PLEKHA5: variants seen among roughly 807,000 people sequenced by gnomAD.
PLEKHA5 encodes pleckstrin homology domain-containing family A member 5.
PLEKHA5 carries 55 observed loss-of-function variants against 181.9 expected under a neutral mutation model. The ratio of observed to expected loss-of-function variants is 0.30; its 90% CI spans 0.24 to 0.38. The LOEUF is 0.38. Among genes scored for constraint, PLEKHA5 ranks in the 10% least tolerant of loss-of-function variants. The pLI, the probability that PLEKHA5 is intolerant of heterozygous loss-of-function variation, is 1.00. For missense variants in PLEKHA5, 1,432 were observed against 1,549.5 expected (o/e 0.92, Z 1.27); for synonymous variants, 535 against 529.4 (o/e 1.01, Z -0.15).
At chr12:19,256,221 GAC>G (rs1403389797) in intron 5 of PLEKHA5, among the ~76,000 whole-genome samples, 2 of 152,108 alleles carry the variant, frequency 1.3e-5, no homozygotes, top group Non-Finnish European at 2.9e-5. Context: ...ACCAGAAAAA[GAC>G]ACCATTTCCA....
intron 29 of PLEKHA5, among the ~76,000 whole-genome samples, chr12:19,362,307 GCA>G (rs2095275254): frequency 6.6e-6 from 1 of 152,076 alleles, no homozygotes; most frequent in Non-Finnish European, 1.5e-5. Context: ...GCCAACGGGG[GCA>G]GATCACTAGA....
intron 2 of PLEKHA5, among the ~76,000 whole-genome samples, chr12:19,132,057 T>C (rs754082022): frequency 6.6e-6 from 1 of 152,222 alleles, no homozygotes; most frequent in Admixed American, 6.5e-5. Context: ...CCCAGCTTTT[T>C]TTTTTGCTAG....
chr12:19,268,366 T>TA (rs1294929719), intron 8 of PLEKHA5, among the ~76,000 whole-genome samples: 1 of 152,192 alleles, frequency 6.6e-6, no homozygotes, highest in Non-Finnish European at 1.5e-5. Flanking sequence ...TTTAGACTCT[T>TA]AAAAAATACT....
Position 19,142,218 on chromosome 12 carries a change from A to G in PLEKHA5, c.227+9768A>G, listed in dbSNP as rs551496889. 2.6e-5 allele frequency among the ~76,000 whole-genome samples: 4 copies of G among 152,136 alleles called. No individual in the cohort carries two copies. The East Asian group carries it at 5.8e-4, about 22-fold the overall frequency. ...CTCTACAAAAAAAAATTGTTTTTTT[A>G]ATTAGCTGGTCATGGTGGTGTACCC... On this transcript the variant is annotated intron_variant, in intron 3 of 31. Transcript: ENST00000429027.
At chr12:19,331,826 C>T (rs1401008370) in intron 20 of PLEKHA5, among the ~76,000 whole-genome samples, 1 of 151,852 alleles carries the variant, frequency 6.6e-6, no homozygotes, top group African/African-American at 2.4e-5. Context: ...AGTTCAGGAC[C>T]AGCCTGGACA....
intron 11 of PLEKHA5, among the ~76,000 whole-genome samples, chr12:19,280,856 G>A (rs937525761): frequency 2.0e-5 from 3 of 151,664 alleles, no homozygotes; most frequent in East Asian, 1.9e-4. Flanking sequence ...AACTACAGGC[G>A]TGCGTCACCA....
intron 3 of PLEKHA5, among the ~76,000 whole-genome samples, chr12:19,137,658 A>G (rs1183277140): frequency 2.6e-5 from 4 of 152,316 alleles, no homozygotes; most frequent in Non-Finnish European, 4.4e-5. Flanking sequence ...AATCCTCACA[A>G]TAGCCTTTTT....
In PLEKHA5 at chr12:19,328,864, T is replaced by C. The variant is rs139114853; in HGVS notation, c.2448+6197T>C. ...TGATTGCTCTGACTAGGACTTCCAG[T>C]ACTATGTTGAATAGGAGTGGTGAGA... On this transcript the variant is annotated intron_variant, in intron 20 of 31. Transcript: ENST00000429027. Among the ~76,000 whole-genome samples the C allele has an allele frequency of 4.3e-4, 66 of 152,284 alleles. No homozygotes were observed. In the East Asian group the frequency reaches 0.012, roughly 28 times the overall value.
At chr12:19,284,770 T>C (rs190090448) in intron 12 of PLEKHA5, among the ~76,000 whole-genome samples, 1 of 152,050 alleles carries the variant, frequency 6.6e-6, no homozygotes, top group African/African-American at 2.4e-5. Flanking sequence ...TTTTTTTTCA[T>C]ACTGAAGAGT....
At chr12:19,306,446 A>T (rs1319870224) in intron 15 of PLEKHA5, 1 of 602,300 alleles carries the variant, frequency 1.7e-6, no homozygotes, top group South Asian at 1.5e-5. Context: ...CAGAGGCTGT[A>T]GCATCGGATA....
chr12:19,264,041 GA>G (rs2069461607), intron 7 of PLEKHA5, among the ~76,000 whole-genome samples: 1 of 151,330 alleles, frequency 6.6e-6, no homozygotes, highest in South Asian at 2.1e-4. Context: ...AAGAACTCAG[GA>G]TAGTCATTTG....
At chr12:19,269,723 C>T (rs971304044) in intron 8 of PLEKHA5, 47 bp from the exon 9 acceptor site, 3 of 991,960 alleles carry the variant, frequency 3.0e-6, no homozygotes, top group African/African-American at 3.3e-5. Flanking sequence ...TTTTCTTTTA[C>T]AGAATCCTAT....
At chr12:19,365,828 C>T (rs1002552863) in intron 29 of PLEKHA5, 136 bp from the exon 30 acceptor site, 5 of 600,588 alleles carry the variant, frequency 8.3e-6, no homozygotes, top group Non-Finnish European at 1.4e-5. Flanking sequence ...TTGAAACTTT[C>T]AAAAGAAAGA....
chr12:19,321,860 T>A (rs1216002397), intron 18 of PLEKHA5, among the ~76,000 whole-genome samples: 3 of 152,306 alleles, frequency 2.0e-5, no homozygotes, highest in Middle Eastern at 3.4e-3. Flanking sequence ...TTTTGAAACA[T>A]TAAAACTGGT....
chr12:19,354,080 G>T (rs1592607277), intron 26 of PLEKHA5, 78 bp downstream of exon 26: 2 of 404,894 alleles, frequency 4.9e-6, no homozygotes, highest in South Asian at 3.7e-5. Context: ...CATTTTCAGT[G>T]TCTTATCAAA....
chr12:19,280,021 A>G (rs1435495405), intron 11 of PLEKHA5, among the ~76,000 whole-genome samples: 1 of 146,558 alleles, frequency 6.8e-6, no homozygotes, highest in Non-Finnish European at 1.5e-5. Context: ...CACTTAATTC[A>G]TCACAATGAA....
intron 6 of PLEKHA5, among the ~76,000 whole-genome samples, chr12:19,258,798 T>G (rs1423685135): frequency 6.6e-6 from 1 of 152,026 alleles, no homozygotes; most frequent in African/African-American, 2.4e-5. Context: ...ATTCCTTTCC[T>G]CAAATGACCA....
chr12:19,257,339 A>G, intron 5 of PLEKHA5, 94 bp from the exon 6 acceptor site: 1 of 625,130 alleles, frequency 1.6e-6, no homozygotes, highest in Non-Finnish European at 2.8e-6. Context: ...AAGTCTTGGG[A>G]AAATCTGAAA....
chr12:19,230,493 G>T (rs565008344), intron 3 of PLEKHA5, among the ~76,000 whole-genome samples: 6 of 152,200 alleles, frequency 3.9e-5, no homozygotes, highest in Non-Finnish European at 8.8e-5. Context: ...CAGGTCCAGA[G>T]CCCTGCCCTG....
Sources: gnomAD v4.1 joint callset for allele counts (sites outside exome capture counted in the v4.1 genomes callset) on GRCh38, gnomAD v4.1.1 for gene constraint, MANE v1.5 for transcripts, NCBI Gene and HGNC (gene_info 2026-07-23, HGNC 2026-07-21) for gene names.